The following CDH4 variants were observed in gnomAD, a reference collection of about 807,000 sequenced individuals.
CDH4 encodes cadherin 4.
Under a neutral mutation model 86.0 loss-of-function variants are expected in CDH4, and 33 were observed. The observed-to-expected ratio is 0.38, with a 90% CI of 0.29 to 0.51. The LOEUF (loss-of-function observed/expected upper bound fraction) is 0.51, where lower values mean the gene tolerates loss of function less well. Ranked by LOEUF, CDH4 falls within the 20% of genes least tolerant of loss-of-function variation. CDH4 has a pLI of 0.86. For missense variants in CDH4, 1,114 were observed against 1,307.4 expected, an observed-to-expected ratio of 0.85 and a Z score of 2.28; for synonymous variants, 555 against 549.4, an observed-to-expected ratio of 1.01 and a Z score of -0.14.
rs187166820 is a variant in CDH4 at position 61,488,461 on chromosome 20, G to A, written c.169+233524G>A. 1.1e-4 allele frequency among the ~76,000 whole-genome samples: 16 copies of A among 152,308 alleles called. No homozygotes were observed. In the East Asian group the frequency reaches 3.1e-3, roughly 29 times the overall value. On this transcript the variant is annotated intron_variant, in intron 2 of 15. Coordinates refer to ENST00000614565, the MANE Select transcript of CDH4 (RefSeq NM_001794.5). ...TAGCTTTGGCTCAAAGGCATCCCAC[G>A]GTGGTGATTGCTTTAGGATTGTTTC...
At chr20:61,650,339 T>C (rs1399681152) in intron 2 of CDH4, among the ~76,000 whole-genome samples, 2 of 152,240 alleles carry the variant, frequency 1.3e-5, no homozygotes, top group African/African-American at 4.8e-5. Flanking sequence ...GACTGCTTAG[T>C]GCTGTCTTGC....
At chr20:61,451,915 C>G (rs917154092) in intron 2 of CDH4, among the ~76,000 whole-genome samples, 2 of 152,208 alleles carry the variant, frequency 1.3e-5, no homozygotes, top group Admixed American at 6.5e-5. Context: ...TAGGGAGAAA[C>G]CACTGGAAAA....
At chr20:61,751,456 T>C (rs1568795155) in intron 3 of CDH4, among the ~76,000 whole-genome samples, 1 of 152,224 alleles carries the variant, frequency 6.6e-6, no homozygotes. Flanking sequence ...AGACATGTAA[T>C]GTGTTTAAAA....
chr20:61,494,061 G>A (rs536801419), intron 2 of CDH4, among the ~76,000 whole-genome samples: 12 of 152,298 alleles, frequency 7.9e-5, no homozygotes, highest in South Asian at 2.1e-4. Flanking sequence ...GAAAATGGCC[G>A]TCTGACTGCT....
chr20:61,701,668 C>T (rs956848505), intron 2 of CDH4, among the ~76,000 whole-genome samples: 7 of 152,250 alleles, frequency 4.6e-5, no homozygotes, highest in African/African-American at 1.2e-4. Context: ...CAAGAAGGAA[C>T]GGACTCACCA....
At chr20:61,756,354 A>C (rs928672377) in intron 3 of CDH4, among the ~76,000 whole-genome samples, 1 of 152,140 alleles carries the variant, frequency 6.6e-6, no homozygotes, top group Non-Finnish European at 1.5e-5. Context: ...GGTGGGGCCC[A>C]CAGGCAGCTG....
intron 2 of CDH4, among the ~76,000 whole-genome samples, chr20:61,736,064 G>A (rs1251623043): frequency 6.6e-6 from 1 of 152,202 alleles, no homozygotes; most frequent in Admixed American, 6.5e-5. Context: ...CCTCCTGGGA[G>A]CTCAGGGTGC....
At chr20:61,354,456 C>T (rs999844663) in intron 2 of CDH4, among the ~76,000 whole-genome samples, 5 of 152,238 alleles carry the variant, frequency 3.3e-5, no homozygotes. Context: ...CACTGATGCA[C>T]ATTGACAGCT....
At chr20:61,722,569 G>A (rs974589082) in intron 2 of CDH4, among the ~76,000 whole-genome samples, 6 of 152,294 alleles carry the variant, frequency 3.9e-5, no homozygotes, top group Admixed American at 6.5e-5. Flanking sequence ...ACTGGCCATC[G>A]TGGAAGCAGA....
chr20:61,411,095 C>T (rs1180937527), intron 2 of CDH4, among the ~76,000 whole-genome samples: 1 of 150,508 alleles, frequency 6.6e-6, no homozygotes, highest in African/African-American at 2.5e-5. Flanking sequence ...TTCATCTATT[C>T]TTCCAGTCAT....
chr20:61,772,808 TCA>T (rs924770718), intron 3 of CDH4, among the ~76,000 whole-genome samples, 193 bp from the exon 4 acceptor site: 1 of 152,076 alleles, frequency 6.6e-6, no homozygotes, highest in Admixed American at 6.5e-5. Context: ...GATGGGGGTC[TCA>T]CTTGATTTTT....
intron 2 of CDH4, among the ~76,000 whole-genome samples, chr20:61,511,770 CTAAGAT>C (rs2085781922): frequency 6.6e-6 from 1 of 152,226 alleles, no homozygotes; most frequent in Non-Finnish European, 1.5e-5. Context: ...ATCACTTTGC[CTAAGAT>C]TAAGTCGTCC....
intron 2 of CDH4, among the ~76,000 whole-genome samples, chr20:61,268,396 C>T (rs2084167972): frequency 1.3e-5 from 2 of 152,392 alleles, no homozygotes; most frequent in African/African-American, 4.8e-5. Flanking sequence ...CACGGGGAGG[C>T]CCAGGCCAAC....
intron 4 of CDH4, among the ~76,000 whole-genome samples, chr20:61,813,577 C>T (rs991768625): frequency 6.6e-6 from 1 of 152,172 alleles, no homozygotes; most frequent in Non-Finnish European, 1.5e-5. Flanking sequence ...GCATCCCCAG[C>T]TTCTGGGGCT....
intron 2 of CDH4, among the ~76,000 whole-genome samples, chr20:61,405,120 T>G (rs1190900436): frequency 6.6e-6 from 1 of 152,128 alleles, no homozygotes; most frequent in South Asian, 2.1e-4. Flanking sequence ...TGAGGCTGAT[T>G]TTGTTTCGGG....
chr20:61,284,313 C>CA (rs912348327), intron 2 of CDH4, among the ~76,000 whole-genome samples: 120 of 149,792 alleles, frequency 8.0e-4, no homozygotes, highest in South Asian at 4.0e-3. Context: ...GACTCCGTCT[C>CA]AAAAAAAAAA....
chr20:61,392,368 G>A lies in CDH4; in HGVS notation c.169+137431G>A, dbSNP rs767231786. The stretch of plus-strand genomic sequence containing the variant: ...TCCGCTCGGAGTCCCACGCTGCTCA[G>A]TATGCATGATCACAGGGCGCCACCG... On this transcript the variant is annotated intron_variant, in intron 2 of 15. Coordinates refer to ENST00000614565, the MANE Select transcript of CDH4 (RefSeq NM_001794.5). This position sits in a 1 kb window ranked among gnomAD's most constrained non-coding sequence, Gnocchi z 5.7. Among the ~76,000 whole-genome samples, 11 of 152,144 alleles carry A rather than the reference G, an allele frequency of 7.2e-5. No individual in the cohort carries two copies. Among genetic ancestry groups the A allele is most frequent in the Non-Finnish European group, 1.3e-4 (9 of 68,028 alleles).
intron 2 of CDH4, among the ~76,000 whole-genome samples, chr20:61,608,635 A>G (rs970501769): frequency 5.9e-5 from 9 of 152,218 alleles, no homozygotes; most frequent in Admixed American, 3.9e-4. Context: ...CACAGCTCGC[A>G]CTGCTCCCCT....
At chr20:61,253,029 C>T (rs1298791238) in intron 1 of CDH4, among the ~76,000 whole-genome samples, 3 of 151,762 alleles carry the variant, frequency 2.0e-5, no homozygotes, top group East Asian at 3.9e-4. Flanking sequence ...GCCAGGGATC[C>T]GCGAGTGCGG....
Sources: allele counts gnomAD v4.1 joint callset (sites outside exome capture counted in the v4.1 genomes callset), GRCh38; gene constraint gnomAD v4.1.1; non-coding constraint Gnocchi (gnomAD v3.1); transcripts MANE v1.5; gene names NCBI Gene and HGNC (gene_info 2026-07-23, HGNC 2026-07-21).